Variants in VRK2 observed in about 807,000 individuals in gnomAD.
VRK2 encodes the protein VRK serine/threonine kinase 2.
Under a neutral mutation model 57.6 loss-of-function variants are expected in VRK2, and 60 were observed. The ratio of observed to expected loss-of-function variants is 1.04; its 90% CI spans 0.85 to 1.29. The LOEUF (loss-of-function observed/expected upper bound fraction) is 1.29. Ranked by LOEUF, VRK2 falls within the 50% of genes most tolerant of loss-of-function variation. The pLI is 0.00. For synonymous variants in VRK2, 231 were observed against 199.2 expected, an observed-to-expected ratio of 1.16 and a Z score of -1.35; for missense variants, 705 against 588.1, an observed-to-expected ratio of 1.20 and a Z score of -2.06.
chr2:58,092,980 A>G (rs926415113), intron 7 of VRK2, among the ~76,000 whole-genome samples: 2 of 152,200 alleles, frequency 1.3e-5, no homozygotes, highest in Non-Finnish European at 2.9e-5. Flanking sequence ...ATGTCCCTAC[A>G]AAGGACATGA....
intron 1 of VRK2, among the ~76,000 whole-genome samples, chr2:57,999,679 T>C (rs17049289): frequency 0.015 from 2,345 of 152,316 alleles, 91 homozygotes; most frequent in African/African-American, 0.054. Flanking sequence ...CCATCAGTTG[T>C]AGCAAGCATA....
intron 12 of VRK2, chr2:58,154,867 T>C (rs1683559645): frequency 3.1e-6 from 2 of 645,312 alleles, no homozygotes; most frequent in South Asian, 3.8e-5. Flanking sequence ...TAAATATTTA[T>C]ACATTTCAAT....
chr2:58,017,901 G>A (rs540387943), intron 1 of VRK2: 6 of 152,264 alleles, frequency 3.9e-5, no homozygotes, highest in Non-Finnish European at 5.9e-5. Flanking sequence ...TGATAATTAC[G>A]TGAAAATATT....
intron 2 of VRK2, among the ~76,000 whole-genome samples, chr2:58,053,157 G>A (rs1267062397): frequency 6.6e-6 from 1 of 152,190 alleles, no homozygotes; most frequent in Non-Finnish European, 1.5e-5. Flanking sequence ...ATCTACTGCA[G>A]ATTAGTATCC....
At chr2:58,064,843 T>A (rs1668404884) in intron 2 of VRK2, among the ~76,000 whole-genome samples, 1 of 152,138 alleles carries the variant, frequency 6.6e-6, no homozygotes, top group Admixed American at 6.6e-5. Context: ...TTTAAAAATA[T>A]GTGTGATTAA....
At chr2:58,148,827 T>A (rs1682554406) in intron 12 of VRK2, among the ~76,000 whole-genome samples, 1 of 151,816 alleles carries the variant, frequency 6.6e-6, no homozygotes, top group African/African-American at 2.4e-5. Flanking sequence ...TGTGAGCCTA[T>A]TTCTGGGCTC....
At chr2:57,993,493 A>AAT (rs1174102054) in intron 1 of VRK2, among the ~76,000 whole-genome samples, 2 of 152,212 alleles carry the variant, frequency 1.3e-5, no homozygotes, top group East Asian at 3.8e-4. Flanking sequence ...AAAAAAAAAA[A>AAT]AAGTAGCAAA....
intron 2 of VRK2, among the ~76,000 whole-genome samples, chr2:58,061,300 G>T (rs1394656518): frequency 1.3e-5 from 2 of 151,866 alleles, no homozygotes; most frequent in Non-Finnish European, 2.9e-5. Flanking sequence ...TTGAGAAATA[G>T]ATAAATGGGT....
intron 7 of VRK2, among the ~76,000 whole-genome samples, chr2:58,100,466 A>T (rs1673790149): frequency 6.6e-6 from 1 of 151,782 alleles, no homozygotes; most frequent in South Asian, 2.1e-4. Flanking sequence ...TTTAAAGTGG[A>T]TAGGGTTTAT....
chr2:58,045,905 G>A (rs975810041), upstream of VRK2, among the ~76,000 whole-genome samples: 6 of 152,060 alleles, frequency 3.9e-5, no homozygotes, highest in African/African-American at 1.4e-4. Flanking sequence ...GTGCAGTGGC[G>A]CGCTCTCTGC....
chr2:58,044,054 T>C (rs1674574072), upstream of VRK2, among the ~76,000 whole-genome samples: 1 of 152,230 alleles, frequency 6.6e-6, no homozygotes, highest in Non-Finnish European at 1.5e-5. Context: ...AGATCTTGTA[T>C]TTAGATTTAG....
At chr2:58,013,729 G>A (rs1290694295) in intron 1 of VRK2, among the ~76,000 whole-genome samples, 1 of 151,278 alleles carries the variant, frequency 6.6e-6, no homozygotes, top group Non-Finnish European at 1.5e-5. Flanking sequence ...CGCAGTGGCG[G>A]GCGCCTGTAG....
intron 7 of VRK2, among the ~76,000 whole-genome samples, chr2:58,103,292 AAATC>A (rs1187380937): frequency 1.3e-5 from 2 of 151,392 alleles, no homozygotes. Context: ...TAAAATAAAA[AAATC>A]AACAAAATGA....
At chr2:58,085,032 T>C (rs1235989274) in intron 4 of VRK2, 82 bp downstream of exon 4, 3 of 1,263,352 alleles carry the variant, frequency 2.4e-6, no homozygotes, top group Non-Finnish European at 3.2e-6. Context: ...TTTTCTGGCC[T>C]TCTGGAAAAT....
At chr2:58,005,000 A>T (rs1025587331) in intron 1 of VRK2, among the ~76,000 whole-genome samples, 2 of 152,156 alleles carry the variant, frequency 1.3e-5, no homozygotes, top group African/African-American at 4.8e-5. Flanking sequence ...TTAGTGGCCC[A>T]TTTACTCTAA....
chr2:58,116,039 G>C (rs1243946494), intron 7 of VRK2, among the ~76,000 whole-genome samples: 1 of 152,190 alleles, frequency 6.6e-6, no homozygotes. Context: ...TTTAAGCCTT[G>C]TCTGGTTTTA....
chr2:58,095,382 A>G (rs993720024), intron 7 of VRK2, among the ~76,000 whole-genome samples: 4 of 151,846 alleles, frequency 2.6e-5, no homozygotes, highest in South Asian at 2.1e-4. Context: ...TCACATCTGT[A>G]TGATGTATAG....
intron 1 of VRK2, among the ~76,000 whole-genome samples, chr2:57,926,521 T>A (rs974958129): frequency 2.4e-4 from 36 of 150,188 alleles, no homozygotes; most frequent in Non-Finnish European, 4.9e-4. Flanking sequence ...ATATATATAG[T>A]GTGTGTGTGT....
intron 2 of VRK2, among the ~76,000 whole-genome samples, chr2:58,076,602 T>C (rs1236097472): frequency 6.6e-6 from 1 of 152,002 alleles, no homozygotes; most frequent in Admixed American, 6.6e-5. Flanking sequence ...TATTTCTATT[T>C]AGGTTTTTTA....
Sources: allele counts gnomAD v4.1 joint callset (sites outside exome capture counted in the v4.1 genomes callset), GRCh38; gene constraint gnomAD v4.1.1; transcripts MANE v1.5; gene names NCBI Gene and HGNC (gene_info 2026-07-23, HGNC 2026-07-21).